The following FHIT variants were observed in gnomAD, a reference collection of about 807,000 sequenced individuals.
The protein encoded by FHIT is bis(5'-adenosyl)-triphosphatase.
FHIT carries 19 observed loss-of-function variants against 17.9 expected under a neutral mutation model. The observed-to-expected ratio is 1.06, with a 90% CI of 0.74 to 1.56. The LOEUF is 1.56. Ranked by LOEUF, FHIT falls within the 40% of genes most tolerant of loss-of-function variation. The pLI, the probability that FHIT is intolerant of heterozygous loss-of-function variation, is 0.00. For missense variants in FHIT, 248 were observed against 189.2 expected (o/e 1.31, Z -1.82); for synonymous variants, 81 against 69.7 (o/e 1.16, Z -0.81).
chr3:60,057,863 G>A (rs1247478816), intron 5 of FHIT, among the ~76,000 whole-genome samples: 2 of 151,976 alleles, frequency 1.3e-5, no homozygotes, highest in Non-Finnish European at 2.9e-5. Context: ...GTTTTACATA[G>A]TCTGGTTTTG....
intron 4 of FHIT, among the ~76,000 whole-genome samples, chr3:60,552,095 C>T (rs930633511): frequency 3.3e-5 from 5 of 152,016 alleles, no homozygotes; most frequent in South Asian, 2.1e-4. Flanking sequence ...CGATATATAG[C>T]CTTTTATGTG....
intron 5 of FHIT, among the ~76,000 whole-genome samples, chr3:60,165,469 A>G (rs1179740612): frequency 6.6e-6 from 1 of 152,178 alleles, no homozygotes; most frequent in Non-Finnish European, 1.5e-5. Flanking sequence ...ACTTCCAAGA[A>G]TGGGGAATCC....
At chr3:59,982,333 G>T (rs2630189) in intron 7 of FHIT, among the ~76,000 whole-genome samples, 23,411 of 151,930 alleles carry the variant, frequency 0.15, 2,012 homozygotes, top group East Asian at 0.37. Context: ...AATCCCCCAA[G>T]AAACTTTTGA....
chr3:60,922,944 AT>A (rs1707361308), intron 3 of FHIT, among the ~76,000 whole-genome samples: 1 of 152,258 alleles, frequency 6.6e-6, no homozygotes, highest in Admixed American at 6.5e-5. Context: ...TAAACTTTGA[AT>A]AACACTTGAT....
At chr3:60,752,276 C>T (rs2042482601) in intron 4 of FHIT, among the ~76,000 whole-genome samples, 2 of 152,192 alleles carry the variant, frequency 1.3e-5, no homozygotes, top group Non-Finnish European at 2.9e-5. Context: ...AAGCATACTT[C>T]AGGAAGAACT....
intron 5 of FHIT, among the ~76,000 whole-genome samples, chr3:60,219,657 C>A (rs950061021): frequency 6.6e-6 from 1 of 152,118 alleles, no homozygotes; most frequent in African/African-American, 2.4e-5. Context: ...GTCAGTGATA[C>A]TTCCCTGTCC....
intron 7 of FHIT, among the ~76,000 whole-genome samples, chr3:59,956,784 T>C (rs1039769963): frequency 2.6e-5 from 4 of 152,288 alleles, no homozygotes; most frequent in South Asian, 2.1e-4. Context: ...TAAAACAAAA[T>C]GTGTGAAGCA....
chr3:61,052,132 A>T (rs72875925), intron 2 of FHIT, among the ~76,000 whole-genome samples: 24,194 of 152,200 alleles, frequency 0.16, 2,117 homozygotes, highest in African/African-American at 0.2. Context: ...GCATATACAA[A>T]TTCTACTTAA....
At chr3:60,057,681 T>A (rs1702134953) in intron 5 of FHIT, among the ~76,000 whole-genome samples, 1 of 151,684 alleles carries the variant, frequency 6.6e-6, no homozygotes, top group Admixed American at 6.6e-5. Context: ...GGAAATGACC[T>A]TCAGGCCTCT....
intron 4 of FHIT, among the ~76,000 whole-genome samples, chr3:60,684,602 C>T (rs1365238778): frequency 2.0e-5 from 3 of 152,066 alleles, no homozygotes; most frequent in Admixed American, 6.6e-5. Context: ...ACTCTGTTCT[C>T]TCCGTGCCAG....
chr3:60,162,526 G>A (rs1700985650), intron 5 of FHIT, among the ~76,000 whole-genome samples: 1 of 152,076 alleles, frequency 6.6e-6, no homozygotes, highest in African/African-American at 2.4e-5. Context: ...TCATAGTAGT[G>A]GGGCATCTGG....
chr3:60,415,996 A>T (rs1702235489), intron 5 of FHIT, among the ~76,000 whole-genome samples: 2 of 150,518 alleles, frequency 1.3e-5, no homozygotes, highest in South Asian at 2.1e-4. Flanking sequence ...CATTTGGCAT[A>T]GTACCTACCA....
At chr3:60,282,306 A>G (rs1294499926) in intron 5 of FHIT, among the ~76,000 whole-genome samples, 1 of 152,158 alleles carries the variant, frequency 6.6e-6, no homozygotes, top group Non-Finnish European at 1.5e-5. Context: ...ATACTAGTCT[A>G]CAATTTTTTC....
chr3:61,076,016 C>CT (rs1280526302), intron 2 of FHIT, among the ~76,000 whole-genome samples: 1 of 152,086 alleles, frequency 6.6e-6, no homozygotes, highest in African/African-American at 2.4e-5. Context: ...TCATAAGTGC[C>CT]CTATGACCAA....
At chr3:61,086,680 C>A (rs962791377) in intron 2 of FHIT, among the ~76,000 whole-genome samples, 1 of 152,068 alleles carries the variant, frequency 6.6e-6, no homozygotes, top group African/African-American at 2.4e-5. Context: ...CCTTCAATAC[C>A]TTCAAACAAA....
chr3:59,917,037 T>C (rs1001124652), intron 8 of FHIT, among the ~76,000 whole-genome samples: 1 of 152,182 alleles, frequency 6.6e-6, no homozygotes, highest in African/African-American at 2.4e-5. Flanking sequence ...TCTGAGCCCA[T>C]TGTCAAATGC....
chr3:60,098,111 ATC>A lies in FHIT; in HGVS notation c.104-83961_104-83960del, dbSNP rs1410133997. 6.2e-3 allele frequency among the ~76,000 whole-genome samples: 910 copies of A among 146,352 alleles called. 5 individuals are homozygous for A. The highest frequency in any genetic ancestry group is 9.2e-3 in the Non-Finnish European group (610 of 66,366). ...GTGCCACGTTTTCTTAATCCAGTCT[ATC>A]CTTGTTGGACATTTGGGTTGGTTCC... is the stretch of plus-strand genomic sequence containing the variant. On this transcript the variant is annotated intron_variant, in intron 5 of 9. Coordinates refer to ENST00000492590, the MANE Select transcript of FHIT (RefSeq NM_002012.4).
intron 3 of FHIT, among the ~76,000 whole-genome samples, chr3:60,974,515 T>A (rs1350014490): frequency 6.6e-6 from 1 of 152,208 alleles, no homozygotes; most frequent in Non-Finnish European, 1.5e-5. Context: ...TGCCTAAGAC[T>A]GAAGCCAAAA....
At chr3:59,803,061 A>G in intron 8 of FHIT, among the ~76,000 whole-genome samples, 1 of 152,240 alleles carries the variant, frequency 6.6e-6, no homozygotes, top group East Asian at 1.9e-4. Flanking sequence ...AATGGTGCAT[A>G]CATACCAGGC....
Sources: gnomAD v4.1 joint callset for allele counts (sites outside exome capture counted in the v4.1 genomes callset) on GRCh38, gnomAD v4.1.1 for gene constraint, MANE v1.5 for transcripts, NCBI Gene and HGNC (gene_info 2026-07-23, HGNC 2026-07-21) for gene names.